GCNT4: variants seen among roughly 807,000 people sequenced by gnomAD.
The protein encoded by GCNT4 is beta-1,3-galactosyl-O-glycosyl-glycoprotein beta-1,6-N-acetylglucosaminyltransferase 4.
Under a neutral mutation model 31.3 loss-of-function variants are expected in GCNT4, and 17 were observed. The observed-to-expected ratio is 0.54, with a 90% CI of 0.37 to 0.81. The LOEUF (loss-of-function observed/expected upper bound fraction) is 0.81, where lower values mean the gene tolerates loss of function less well. GCNT4 is among the 40% of genes least tolerant of loss of function. GCNT4 has a pLI of 0.00. For missense variants in GCNT4, 503 were observed against 525.5 expected, an observed-to-expected ratio of 0.96 and a Z score of 0.42; for synonymous variants, 158 against 190.6, an observed-to-expected ratio of 0.83 and a Z score of 1.41.
At position 75,025,746 on chromosome 5, in the gene GCNT4, A is replaced by AGCAACAC. The variant is rs1742935381; in HGVS notation, c.*2923_*2929dup. 6.6e-6 allele frequency: 1 copy of AGCAACAC among 152,248 alleles called. No individual in the cohort carries two copies. Among genetic ancestry groups the AGCAACAC allele is most frequent in the Non-Finnish European group, 1.5e-5 (1 of 68,040 alleles). 9.4% of individuals were successfully genotyped at this position (152,248 alleles called of 1,614,324 possible). ...AATTAACCAAAATATTAAAAATAGC[A>AGCAACAC]GCAACACTGGTCTTTAAACACGTCT... On this transcript the variant is annotated 3_prime_UTR_variant, in exon 4 of 4. Transcript: ENST00000652361.
intron 2 of GCNT4, among the ~76,000 whole-genome samples, chr5:75,049,454 C>A (rs1580248420): frequency 1.3e-5 from 2 of 152,186 alleles, no homozygotes; most frequent in African/African-American, 4.8e-5. Context: ...AGCCCACCAT[C>A]CCCAGAGATC....
intron 2 of GCNT4, among the ~76,000 whole-genome samples, chr5:75,051,169 C>T (rs1223133902): frequency 6.6e-6 from 1 of 152,206 alleles, no homozygotes; most frequent in African/African-American, 2.4e-5. Flanking sequence ...CTCACCTCTC[C>T]CCTCCCCCAT....
chr5:75,053,776 G>C (rs924705137), upstream of GCNT4, among the ~76,000 whole-genome samples: 169 of 152,264 alleles, frequency 1.1e-3, no homozygotes, highest in African/African-American at 3.9e-3. Context: ...CCCAGTCCCC[G>C]GGCCGCGCTT....
Position 75,026,647 on chromosome 5 carries a change from C to CAAAAAAAAAAAAAAAAAAAAAAAAAAAAA in GCNT4, c.*2028_*2029insTTTTTTTTTTTTTTTTTTTTTTTTTTTTT, listed in dbSNP as rs547466422. ...CATATACTATTTCAATCGATTCTCA[C>CAAAAAAAAAAAAAAAAAAAAAAAAAAAAA]AAAAAAAAAAAAAAAAAAAAAAAAA... On this transcript the variant is annotated 3_prime_UTR_variant, in exon 4 of 4. Coordinates refer to ENST00000652361, the MANE Select transcript of GCNT4 (RefSeq NM_001366737.1). The CAAAAAAAAAAAAAAAAAAAAAAAAAAAAA allele has an allele frequency of 1.5e-5, 1 of 65,804 alleles. No individual in the cohort carries two copies. Among genetic ancestry groups the CAAAAAAAAAAAAAAAAAAAAAAAAAAAAA allele is most frequent in the African/African-American group, 5.2e-5 (1 of 19,176 alleles). The allele number at this position is 65,804 out of a possible 1,614,324, so 4.1% of individuals were successfully genotyped here.
intron 3 of GCNT4, among the ~76,000 whole-genome samples, chr5:75,039,567 A>G (rs1258879761): frequency 2.0e-5 from 3 of 152,178 alleles, no homozygotes; most frequent in African/African-American, 7.2e-5. Context: ...AGGATTTTCA[A>G]CCATGGTCCA....
chr5:75,033,717 A>G (rs1038154471), intron 3 of GCNT4, among the ~76,000 whole-genome samples: 1 of 151,866 alleles, frequency 6.6e-6, no homozygotes, highest in Non-Finnish European at 1.5e-5. Flanking sequence ...TGTGCAGAAC[A>G]AGCAGGTTTC....
intron 3 of GCNT4, among the ~76,000 whole-genome samples, chr5:75,040,128 C>G (rs572875327): frequency 1.3e-5 from 2 of 152,118 alleles, no homozygotes; most frequent in African/African-American, 4.8e-5. Flanking sequence ...TGGATCCTAG[C>G]ATGACCAGCT....
At chr5:75,031,073 TTCTC>T (rs370798704) in intron 3 of GCNT4, among the ~76,000 whole-genome samples, 103 of 150,522 alleles carry the variant, frequency 6.8e-4, no homozygotes, top group African/African-American at 2.0e-3. Flanking sequence ...AGCAAACTTT[TTCTC>T]TCTTTTTTTT....
downstream of GCNT4, among the ~76,000 whole-genome samples, chr5:75,022,159 G>C (rs926407278): frequency 2.0e-4 from 31 of 152,042 alleles, no homozygotes; most frequent in African/African-American, 7.5e-4. Context: ...ATGATTTCAG[G>C]TTACTCACAC....
intron 3 of GCNT4, among the ~76,000 whole-genome samples, chr5:75,042,447 T>C (rs745825001): frequency 4.0e-4 from 61 of 152,186 alleles, no homozygotes; most frequent in Non-Finnish European, 7.5e-4. Flanking sequence ...ATTTTTCAAC[T>C]GGCCAAAATT....
Position 75,028,860 on chromosome 5 carries a change from T to A in GCNT4, c.1178A>T (p.Tyr393Phe). The A allele has an allele frequency of 6.2e-7, 1 of 1,614,076 alleles. No individual in the cohort carries two copies. The highest frequency in any genetic ancestry group is 8.5e-7 in the Non-Finnish European group (1 of 1,180,010). Reference protein sequence around the residue: ...TGSHLRSVCIYGAAELRWLIK... With the variant: ...TGSHLRSVCIFGAAELRWLIK... ...AAGCCACCTTAATTCTGCAGCTCCA[T>A]AAATACACACGCTTCGAAGGTGAGA... Residue 393 changes from tyrosine to phenylalanine, a missense_variant, in exon 4 of 4, where the codon TAT becomes TTT. Tyr to Phe is a conservative substitution (Grantham distance 22, BLOSUM62 3). Coordinates refer to ENST00000652361, the MANE Select transcript of GCNT4 (RefSeq NM_001366737.1).
chr5:75,033,178 G>C (rs372000124), intron 3 of GCNT4, among the ~76,000 whole-genome samples: 1 of 152,278 alleles, frequency 6.6e-6, no homozygotes, highest in African/African-American at 2.4e-5. Flanking sequence ...AAATAAAAAA[G>C]ACAAAGGCCA....
rs1491107729 is a variant in GCNT4, at chr5:75,052,165, TCA to T, written c.-143+2_-143+3del. The T allele has an allele frequency of 6.8e-6, 1 of 147,450 alleles. No individual in the cohort carries two copies. Among genetic ancestry groups the T allele is most frequent in the Admixed American group, 7.0e-5 (1 of 14,348 alleles). 9.1% of individuals were successfully genotyped at this position (147,450 alleles called of 1,614,324 possible). Reference sequence around the variant, plus strand: ...ATCAAAAAGGGCGACTTCTGTCTACTCACATGAGACAATTAAACGCATTATAT... The same window carrying T: ...ATCAAAAAGGGCGACTTCTGTCTACTCATGAGACAATTAAACGCATTATAT... On this transcript the variant is annotated splice_donor_variant and splice_donor_region_variant and intron_variant, in intron 2 of 3. Transcript: ENST00000652361. LOFTEE classifies it low-confidence loss of function (5UTR_SPLICE).
At chr5:75,043,766 C>G (rs957327115) in intron 3 of GCNT4, among the ~76,000 whole-genome samples, 2 of 152,084 alleles carry the variant, frequency 1.3e-5, no homozygotes, top group African/African-American at 4.8e-5. Context: ...GAAAGATGAC[C>G]GTAGGAAAAG....
chr5:75,034,206 C>T (rs971419312), intron 3 of GCNT4, among the ~76,000 whole-genome samples: 6 of 152,186 alleles, frequency 3.9e-5, no homozygotes, highest in East Asian at 1.9e-4. Context: ...AGAGGACCAC[C>T]GGTCCCCAAC....
At chr5:75,052,618 C>G (rs1288296129), upstream of GCNT4, 1 of 152,258 alleles carries the variant, frequency 6.6e-6, no homozygotes, top group Non-Finnish European at 1.5e-5. Flanking sequence ...AGGGCGCGGC[C>G]TGGGAGGCGC....
At chr5:75,042,806 C>G (rs1743349464) in intron 3 of GCNT4, among the ~76,000 whole-genome samples, 1 of 152,212 alleles carries the variant, frequency 6.6e-6, no homozygotes, top group African/African-American at 2.4e-5. Context: ...CTTGGCATGA[C>G]TTCACCATTT....
At position 75,026,546 on chromosome 5, in the gene GCNT4, C is replaced by T. The variant is rs1275554399; in HGVS notation, c.*2130G>A. Reference sequence around the variant, plus strand: ...GTTTAAGCCTTTCGATGGGGTTGGACCTTTGCCTATACTACTACAGGTATC... The same window carrying T: ...GTTTAAGCCTTTCGATGGGGTTGGATCTTTGCCTATACTACTACAGGTATC... On this transcript the variant is annotated 3_prime_UTR_variant, in exon 4 of 4. Coordinates refer to ENST00000652361, the MANE Select transcript of GCNT4 (RefSeq NM_001366737.1). 2.0e-5 allele frequency: 3 copies of T among 149,490 alleles called. No homozygotes were observed. Among genetic ancestry groups the T allele is most frequent in the African/African-American group, 7.5e-5 (3 of 40,092 alleles). 9.3% of individuals were successfully genotyped at this position (149,490 alleles called of 1,614,324 possible). A position where few individuals can be genotyped will look rare whatever the true frequency, so the allele number is the denominator to read the frequency against.
intron 2 of GCNT4, among the ~76,000 whole-genome samples, chr5:75,051,130 C>T (rs1381511118): frequency 6.6e-6 from 1 of 152,184 alleles, no homozygotes; most frequent in African/African-American, 2.4e-5. Context: ...CAGCACACAC[C>T]ATTCCCGGGG....
Sources: gnomAD v4.1 joint callset for allele counts (sites outside exome capture counted in the v4.1 genomes callset) on GRCh38, gnomAD v4.1.1 for gene constraint, MANE v1.5 for transcripts, NCBI Gene and HGNC (gene_info 2026-07-23, HGNC 2026-07-21) for gene names.